The following IQSEC1 variants were observed in gnomAD, a reference collection of about 807,000 sequenced individuals.
IQSEC1 encodes IQ motif and Sec7 domain ArfGEF 1.
Under a neutral mutation model 91.0 loss-of-function variants are expected in IQSEC1, and 31 were observed. That is an observed-to-expected ratio of 0.34 (90% confidence interval 0.26 to 0.46). IQSEC1 has a LOEUF of 0.46. Among genes scored for constraint, IQSEC1 ranks in the 20% least tolerant of loss-of-function variants. The pLI is 1.00. For missense variants in IQSEC1, 1,388 were observed against 1,575.6 expected (o/e 0.88, Z 2.02); for synonymous variants, 699 against 662.6 (o/e 1.05, Z -0.84).
intron 1 of IQSEC1, among the ~76,000 whole-genome samples, chr3:13,004,499 G>T (rs1378712373): frequency 6.6e-6 from 1 of 152,120 alleles, no homozygotes; most frequent in Non-Finnish European, 1.5e-5. Flanking sequence ...GCAGGGATTT[G>T]TGTCTGAATC....
intron 1 of IQSEC1, among the ~76,000 whole-genome samples, chr3:12,966,914 C>T (rs561322660): frequency 1.3e-5 from 2 of 152,182 alleles, no homozygotes; most frequent in Non-Finnish European, 2.9e-5. Flanking sequence ...CTGCAAGAGG[C>T]CTTCCTGGCA....
At chr3:13,267,901 A>G (rs536517959) in intron 1 of IQSEC1, among the ~76,000 whole-genome samples, 11 of 151,264 alleles carry the variant, frequency 7.3e-5, no homozygotes, top group Admixed American at 2.0e-4. Flanking sequence ...ACAGGTGTGA[A>G]CCACCGCGCC....
intron 1 of IQSEC1, among the ~76,000 whole-genome samples, chr3:13,037,549 G>C (rs1345514048): frequency 1.3e-5 from 2 of 152,160 alleles, no homozygotes; most frequent in Non-Finnish European, 2.9e-5. Flanking sequence ...ACCTTGAAGA[G>C]ATATCTGCAC....
intron 1 of IQSEC1, among the ~76,000 whole-genome samples, chr3:13,260,320 G>A (rs1416468504): frequency 4.6e-5 from 7 of 152,204 alleles, no homozygotes; most frequent in Admixed American, 3.9e-4. Flanking sequence ...CTAACTCCCA[G>A]GTTGACATTT....
rs370952326 is a variant in IQSEC1 at position 12,933,041 on chromosome 3, G to A, written c.1568+2407C>T. Among the ~76,000 whole-genome samples the A allele has an allele frequency of 5.2e-5, 8 of 152,388 alleles. No homozygotes were observed. In the East Asian group the frequency reaches 1.4e-3, roughly 26 times the overall value. ...GGGGCGTCCCCCCAGACAGAGGCCTGTGCCAGGAACGCTCACTGCTTCGTT... is the reference window on the plus strand; with the variant it reads ...GGGGCGTCCCCCCAGACAGAGGCCTATGCCAGGAACGCTCACTGCTTCGTT... On this transcript the variant is annotated intron_variant, in intron 3 of 13. Transcript: ENST00000613206.
intron 2 of IQSEC1, among the ~76,000 whole-genome samples, chr3:13,093,564 C>T (rs1057085560): frequency 1.8e-4 from 28 of 152,132 alleles, no homozygotes; most frequent in Non-Finnish European, 3.8e-4. Context: ...CCTCCCCAAG[C>T]TCAGGGGATG....
At chr3:13,250,943 A>G (rs1695184555) in intron 1 of IQSEC1, among the ~76,000 whole-genome samples, 1 of 152,132 alleles carries the variant, frequency 6.6e-6, no homozygotes, top group African/African-American at 2.4e-5. Flanking sequence ...CCAGGTCCCC[A>G]TCGCTCCTCC....
Position 13,084,644 on chromosome 3 carries a change from C to G in IQSEC1, c.303-37122G>C, listed in dbSNP as rs796394345. On this transcript the variant is annotated intron_variant, in intron 2 of 15. Coordinates refer to the IQSEC1 transcript ENST00000648114. ...ATTCTCCTGCCTGCCATTCCAGATG[C>G]CTAAGCCTAGAACTCTGGGATGGGC... Among the ~76,000 whole-genome samples, 35 of 152,286 alleles carry G rather than the reference C, an allele frequency of 2.3e-4. 1 individual carries two copies. The highest frequency in any genetic ancestry group is 6.5e-4 in the African/African-American group (27 of 41,554).
intron 1 of IQSEC1, among the ~76,000 whole-genome samples, chr3:13,072,551 T>C (rs962560469): frequency 1.3e-5 from 2 of 152,164 alleles, no homozygotes; most frequent in Admixed American, 6.5e-5. Context: ...CACCTGCCCT[T>C]GGAGGACGCA....
At chr3:13,110,410 G>GAA (rs1359467198) in intron 2 of IQSEC1, among the ~76,000 whole-genome samples, 7 of 151,968 alleles carry the variant, frequency 4.6e-5, no homozygotes, top group African/African-American at 1.7e-4. Flanking sequence ...CCAACATGGT[G>GAA]AAATCCCGTC....
At chr3:12,914,058 C>T (rs1039963841) in intron 8 of IQSEC1, among the ~76,000 whole-genome samples, 2 of 152,150 alleles carry the variant, frequency 1.3e-5, no homozygotes, top group African/African-American at 2.4e-5. Flanking sequence ...AATTCCAGGC[C>T]CCAGGACTTT....
upstream of IQSEC1, among the ~76,000 whole-genome samples, chr3:13,074,165 A>T (rs1166364100): frequency 6.6e-6 from 1 of 152,230 alleles, no homozygotes; most frequent in South Asian, 2.1e-4. Context: ...GAGGGGAGGC[A>T]GGGACCCCAA....
At chr3:12,919,399 G>A (rs1161581940) in intron 6 of IQSEC1, among the ~76,000 whole-genome samples, 3 of 152,208 alleles carry the variant, frequency 2.0e-5, no homozygotes, top group Non-Finnish European at 1.5e-5. Context: ...TTGGAGCCTA[G>A]CTCAGGTGCC....
chr3:13,145,087 G>C (rs543165319), intron 2 of IQSEC1, among the ~76,000 whole-genome samples: 3 of 152,140 alleles, frequency 2.0e-5, no homozygotes, highest in Middle Eastern at 3.2e-3. Context: ...TGTGAAGGGT[G>C]GGGGGGCTGG....
chr3:12,905,125 C>T (rs1485453153), intron 12 of IQSEC1, among the ~76,000 whole-genome samples: 2 of 152,256 alleles, frequency 1.3e-5, no homozygotes, highest in Non-Finnish European at 2.9e-5. Context: ...CGCAGCCTCC[C>T]ACACCTGCCC....
At position 13,154,023 on chromosome 3, in the gene IQSEC1, G is replaced by A. The variant is rs186678206; in HGVS notation, c.302+10081C>T. On this transcript the variant is annotated intron_variant, in intron 2 of 15. Coordinates refer to the IQSEC1 transcript ENST00000648114. ...GCATGGAGGGCCCCAAAGCCAACGG[G>A]ATGAAAATCGAGGACGGATTTTAAG... Among the ~76,000 whole-genome samples, 217 of 152,192 alleles carry A rather than the reference G, an allele frequency of 1.4e-3. 1 individual carries two copies. Among genetic ancestry groups the A allele is most frequent in the African/African-American group, 5.1e-3 (213 of 41,518 alleles).
At chr3:13,269,597 T>C (rs566434487) in intron 1 of IQSEC1, among the ~76,000 whole-genome samples, 29 of 152,242 alleles carry the variant, frequency 1.9e-4, no homozygotes, top group African/African-American at 6.7e-4. Context: ...TGAGCTGCTC[T>C]GGAAGATGAG....
chr3:12,938,673 G>C (rs1033820624), intron 2 of IQSEC1, among the ~76,000 whole-genome samples: 1 of 152,180 alleles, frequency 6.6e-6, no homozygotes, highest in African/African-American at 2.4e-5. Flanking sequence ...GATCTAGGAA[G>C]CCTTTCTTCC....
chr3:13,087,662 C>T (rs1705761094), intron 2 of IQSEC1, among the ~76,000 whole-genome samples: 1 of 152,230 alleles, frequency 6.6e-6, no homozygotes, highest in Non-Finnish European at 1.5e-5. Context: ...ACCAGGATCA[C>T]TTGCTGTCTT....
Sources: gnomAD v4.1 joint callset for allele counts (sites outside exome capture counted in the v4.1 genomes callset) on GRCh38, gnomAD v4.1.1 for gene constraint, MANE v1.5 for transcripts, NCBI Gene and HGNC (gene_info 2026-07-23, HGNC 2026-07-21) for gene names.